Variants in CPLX2 observed in about 807,000 individuals in gnomAD.
CPLX2 encodes the protein complexin-2.
CPLX2 carries 5 observed loss-of-function variants against 16.3 expected under a neutral mutation model. The observed-to-expected ratio is 0.31, with a 90% CI of 0.16 to 0.64. The LOEUF (loss-of-function observed/expected upper bound fraction) is 0.64. Ranked by LOEUF, CPLX2 falls within the 30% of genes least tolerant of loss-of-function variation. CPLX2 has a pLI of 0.79. For synonymous variants in CPLX2, 89 were observed against 73.2 expected, an observed-to-expected ratio of 1.22 and a Z score of -1.10; for missense variants, 144 against 181.4, an observed-to-expected ratio of 0.79 and a Z score of 1.18.
At chr5:175,854,205 C>A (rs1360574817) in intron 2 of CPLX2, among the ~76,000 whole-genome samples, 1 of 152,204 alleles carries the variant, frequency 6.6e-6, no homozygotes, top group South Asian at 2.1e-4. Context: ...CTTTGACCAG[C>A]TCTTTTCTCC....
At chr5:175,826,092 C>T (rs1205077973) in intron 2 of CPLX2, among the ~76,000 whole-genome samples, 1 of 151,894 alleles carries the variant, frequency 6.6e-6, no homozygotes, top group African/African-American at 2.4e-5. Flanking sequence ...GGTGGGAGCA[C>T]TGACTAGCGG....
chr5:175,801,833 G>A (rs569648602), intron 1 of CPLX2, among the ~76,000 whole-genome samples: 17 of 152,258 alleles, frequency 1.1e-4, no homozygotes, highest in Admixed American at 5.9e-4. Flanking sequence ...TCGGGGCCTC[G>A]AATCCCAGAC....
chr5:175,878,542 G>C (rs548652627), intron 1 of CPLX2, 110 bp from the exon 2 acceptor site: 2 of 629,768 alleles, frequency 3.2e-6, no homozygotes, highest in East Asian at 5.5e-5. Context: ...CTTGACCTCA[G>C]AGCGATGGGT....
rs1458642047 is a variant in CPLX2, at chr5:175,845,770, T to C, written c.-88-32882T>C. ...GATGAGTGATGTGCCCAAGGTCACG[T>C]GGCTGTCAGATAACAGAGGCAGAAC... On this transcript the variant is annotated intron_variant, in intron 2 of 4. Coordinates refer to the CPLX2 transcript ENST00000359546. The surrounding 1 kb of genome is among the most constrained non-coding windows in gnomAD (Gnocchi z 4.0). Among the ~76,000 whole-genome samples, 1 of 152,146 alleles carries C rather than the reference T, an allele frequency of 6.6e-6. No individual in the cohort carries two copies. The highest frequency in any genetic ancestry group is 1.5e-5 in the Non-Finnish European group (1 of 68,040).
In CPLX2 at chr5:175,809,615, A is replaced by C. The variant is rs922365722; in HGVS notation, c.-89+547A>C. Among the ~76,000 whole-genome samples, 1 of 151,894 alleles carries C rather than the reference A, an allele frequency of 6.6e-6. No individual in the cohort carries two copies. The highest frequency in any genetic ancestry group is 2.4e-5 in the African/African-American group (1 of 41,334). ...GGCTTCCTGCACTGATGAGCTCAAC[A>C]TCCCCCATGCCACCCCCTCCCCAGC... On this transcript the variant is annotated intron_variant, in intron 2 of 4. Transcript: ENST00000359546. The surrounding 1 kb of genome is among the most constrained non-coding windows in gnomAD (Gnocchi z 4.4).
intron 2 of CPLX2, among the ~76,000 whole-genome samples, chr5:175,844,185 A>G (rs1758999325): frequency 6.6e-6 from 1 of 152,246 alleles, no homozygotes; most frequent in African/African-American, 2.4e-5. Flanking sequence ...ATGCCCAGCC[A>G]GAGGCCAAGG....
At chr5:175,865,862 T>G (rs1402287359) in intron 2 of CPLX2, among the ~76,000 whole-genome samples, 1 of 152,220 alleles carries the variant, frequency 6.6e-6, no homozygotes, top group East Asian at 1.9e-4. Context: ...GAATCTGCAA[T>G]TTTTTAACAA....
At chr5:175,827,259 A>C (rs1379554526) in intron 2 of CPLX2, among the ~76,000 whole-genome samples, 1 of 152,162 alleles carries the variant, frequency 6.6e-6, no homozygotes, top group Admixed American at 6.5e-5. Flanking sequence ...CCTCACCCTC[A>C]ACTAAACCTC....
intron 1 of CPLX2, chr5:175,873,155 G>T (rs1040798305): frequency 3.4e-5 from 5 of 146,486 alleles, no homozygotes; most frequent in Non-Finnish European, 7.4e-5. Flanking sequence ...ATAGACCAAG[G>T]CTTCCCGCAG....
chr5:175,854,115 G>A (rs1377967102), intron 2 of CPLX2, among the ~76,000 whole-genome samples: 1 of 152,172 alleles, frequency 6.6e-6, no homozygotes, highest in Non-Finnish European at 1.5e-5. Flanking sequence ...CTTCATGCCC[G>A]GTGCCCTGTC....
At chr5:175,847,465 C>A (rs999065) in intron 2 of CPLX2, among the ~76,000 whole-genome samples, 56,515 of 152,052 alleles carry the variant, frequency 0.37, 11,705 homozygotes, top group East Asian at 0.49. Flanking sequence ...CCTTCGCTCA[C>A]AGCATGCGTG....
At position 175,832,881 on chromosome 5, in the gene CPLX2, G is replaced by A. The variant is rs1196193053; in HGVS notation, c.-89+23813G>A. On this transcript the variant is annotated intron_variant, in intron 2 of 4. Transcript: ENST00000359546. ...CTAAGAAAAAAGGATTAGGCTGGGC[G>A]TGGTGGCTCATGCCTGTGATCCCAG... Among the ~76,000 whole-genome samples, 8 of 152,284 alleles carry A rather than the reference G, an allele frequency of 5.3e-5. No homozygotes were observed. In the South Asian group the frequency reaches 8.3e-4, roughly 16 times the overall value.
At chr5:175,814,317 G>T (rs1758366123) in intron 2 of CPLX2, among the ~76,000 whole-genome samples, 1 of 152,248 alleles carries the variant, frequency 6.6e-6, no homozygotes, top group Non-Finnish European at 1.5e-5. Context: ...CCTGAGCCGG[G>T]AGTGCAGAGA....
At chr5:175,841,654 C>T (rs931071770) in intron 2 of CPLX2, among the ~76,000 whole-genome samples, 2 of 152,156 alleles carry the variant, frequency 1.3e-5, no homozygotes, top group African/African-American at 4.8e-5. Flanking sequence ...ACATGAGTGC[C>T]TCTCACACAG....
chr5:175,801,168 A>AAAAAT (rs1554117465), intron 1 of CPLX2, among the ~76,000 whole-genome samples: 1 of 151,416 alleles, frequency 6.6e-6, no homozygotes, highest in Non-Finnish European at 1.5e-5. Context: ...TGTTAAAAAA[A>AAAAAT]AAAAAAAACT....
chr5:175,810,538 A>AGG (rs1758295362), intron 2 of CPLX2, among the ~76,000 whole-genome samples: 1 of 152,204 alleles, frequency 6.6e-6, no homozygotes, highest in Non-Finnish European at 1.5e-5. Context: ...GCTTAGTGCA[A>AGG]GACCTGCACA....
At chr5:175,803,337 T>G (rs1032773205) in intron 1 of CPLX2, among the ~76,000 whole-genome samples, 3 of 152,216 alleles carry the variant, frequency 2.0e-5, no homozygotes, top group Non-Finnish European at 4.4e-5. Context: ...CACTTTCTAC[T>G]GGGAGACAGA....
At chr5:175,867,729 CTGA>C (rs1454279759), upstream of CPLX2, among the ~76,000 whole-genome samples, 2 of 152,066 alleles carry the variant, frequency 1.3e-5, no homozygotes, top group Admixed American at 6.5e-5. Flanking sequence ...CTGCCACACG[CTGA>C]TGATGACACA....
At chr5:175,854,022 G>A (rs1326166707) in intron 2 of CPLX2, among the ~76,000 whole-genome samples, 1 of 152,170 alleles carries the variant, frequency 6.6e-6, no homozygotes, top group Non-Finnish European at 1.5e-5. Context: ...GCCTGGGAAA[G>A]TGGGCTCAGA....
Sources: gnomAD v4.1 joint callset for allele counts (sites outside exome capture counted in the v4.1 genomes callset) on GRCh38, gnomAD v4.1.1 for gene constraint, Gnocchi (gnomAD v3.1) non-coding constraint, MANE v1.5 for transcripts, NCBI Gene and HGNC (gene_info 2026-07-23, HGNC 2026-07-21) for gene names.